Variants in R3HCC1L observed in about 807,000 individuals in gnomAD.
The protein encoded by R3HCC1L is coiled-coil domain-containing protein R3HCC1L.
R3HCC1L carries 51 observed loss-of-function variants against 59.9 expected under a neutral mutation model. That is an observed-to-expected ratio of 0.85 (90% confidence interval 0.68 to 1.07). R3HCC1L has a LOEUF of 1.07. Among genes scored for constraint, R3HCC1L ranks in the 50% least tolerant of loss-of-function variants. The pLI, the probability that R3HCC1L is intolerant of heterozygous loss-of-function variation, is 0.00. For missense variants in R3HCC1L, 965 were observed against 933.0 expected (o/e 1.03, Z -0.45); for synonymous variants, 322 against 315.2 (o/e 1.02, Z -0.23).
chr10:98,177,338 C>T (rs191106914), intron 4 of R3HCC1L, among the ~76,000 whole-genome samples: 59 of 152,210 alleles, frequency 3.9e-4, no homozygotes, highest in African/African-American at 1.3e-3. Context: ...GCTTTATCCA[C>T]GTCCCTACAA....
At chr10:98,187,384 TAA>T (rs879758301) in intron 4 of R3HCC1L, among the ~76,000 whole-genome samples, 1 of 150,798 alleles carries the variant, frequency 6.6e-6, no homozygotes, top group Admixed American at 6.6e-5. Flanking sequence ...ATCAGCCATG[TAA>T]GGTTTTTATA....
chr10:98,204,711 G>A (rs1024102878), intron 4 of R3HCC1L, among the ~76,000 whole-genome samples: 6 of 151,876 alleles, frequency 4.0e-5, no homozygotes, highest in Admixed American at 6.6e-5. Flanking sequence ...CCACATTCAC[G>A]TAACTTTTAT....
intron 5 of R3HCC1L, among the ~76,000 whole-genome samples, chr10:98,224,965 A>C (rs1375329606): frequency 6.6e-6 from 1 of 152,254 alleles, no homozygotes; most frequent in Non-Finnish European, 1.5e-5. Context: ...CCATATTAGA[A>C]AAGTAATAAC....
intron 2 of R3HCC1L, among the ~76,000 whole-genome samples, chr10:98,157,091 C>T (rs1215133107): frequency 6.6e-6 from 1 of 152,208 alleles, no homozygotes; most frequent in East Asian, 1.9e-4. Flanking sequence ...TCTTTTTTCT[C>T]CTCATCCTTT....
intron 5 of R3HCC1L, among the ~76,000 whole-genome samples, chr10:98,230,141 G>C (rs1327791077): frequency 1.3e-5 from 2 of 152,174 alleles, no homozygotes; most frequent in Non-Finnish European, 2.9e-5. Flanking sequence ...GATTGGAATA[G>C]TTTCAGAAGG....
At chr10:98,137,213 A>AC in intron 1 of R3HCC1L, among the ~76,000 whole-genome samples, 1 of 152,164 alleles carries the variant, frequency 6.6e-6, no homozygotes, top group South Asian at 2.1e-4. Context: ...CCCGTCTCAA[A>AC]AAAAAAAAAG....
intron 9 of R3HCC1L, among the ~76,000 whole-genome samples, chr10:98,239,918 A>G (rs1857351708): frequency 6.6e-6 from 1 of 151,778 alleles, no homozygotes; most frequent in South Asian, 2.1e-4. Context: ...CTAGTCTCAA[A>G]CTCTTGGACT....
intron 4 of R3HCC1L, among the ~76,000 whole-genome samples, chr10:98,174,980 C>G (rs550347737): frequency 2.0e-5 from 3 of 152,118 alleles, no homozygotes; most frequent in Non-Finnish European, 4.4e-5. Context: ...CTGTATCTAC[C>G]CGAGTGCAGT....
At chr10:98,181,363 G>T (rs1255111250) in intron 4 of R3HCC1L, among the ~76,000 whole-genome samples, 1 of 152,132 alleles carries the variant, frequency 6.6e-6, no homozygotes, top group Non-Finnish European at 1.5e-5. Flanking sequence ...CTCTCTTCTG[G>T]CTTGTAGATT....
chr10:98,175,066 C>T (rs1320973273), intron 4 of R3HCC1L, among the ~76,000 whole-genome samples: 4 of 152,026 alleles, frequency 2.6e-5, no homozygotes, highest in African/African-American at 4.8e-5. Context: ...AGTTTCTCAT[C>T]GTTAACGCGT....
chr10:98,203,530 A>G (rs1477677412), intron 4 of R3HCC1L, among the ~76,000 whole-genome samples: 1 of 152,232 alleles, frequency 6.6e-6, no homozygotes, highest in African/African-American at 2.4e-5. Flanking sequence ...TTTCTCTCAA[A>G]TATCAGATGT....
chr10:98,236,236 T>A (rs1329438890), intron 9 of R3HCC1L, 72 bp downstream of exon 9: 49 of 1,541,766 alleles, frequency 3.2e-5, no homozygotes, highest in Admixed American at 6.4e-5. Flanking sequence ...TAAAAAAAAA[T>A]GAATGAAGCC....
At chr10:98,201,652 C>T (rs2135115164) in intron 4 of R3HCC1L, among the ~76,000 whole-genome samples, 2 of 152,232 alleles carry the variant, frequency 1.3e-5, no homozygotes, top group Middle Eastern at 6.8e-3. Flanking sequence ...CATTTGAACA[C>T]CAAACTTAAT....
rs369926246 is a variant in R3HCC1L, at chr10:98,200,635, G to A, written c.-14-7466G>A. Among the ~76,000 whole-genome samples, 5 of 152,100 alleles carry A rather than the reference G, an allele frequency of 3.3e-5. No individual in the cohort carries two copies. The South Asian group carries it at 1.0e-3, about 32-fold the overall frequency. ...TTGAAGACTTATAAAATAGACTTCC[G>A]TCGGCACTGCTCAACACAAAAGGAA... On this transcript the variant is annotated intron_variant, in intron 4 of 9. Transcript: ENST00000298999.
chr10:98,218,867 C>T (rs563117444), intron 5 of R3HCC1L, among the ~76,000 whole-genome samples: 6 of 152,130 alleles, frequency 3.9e-5, no homozygotes, highest in South Asian at 2.1e-4. Flanking sequence ...TTGTTGAGTG[C>T]GTCTATATTT....
intron 4 of R3HCC1L, chr10:98,174,440 T>C: frequency 1.7e-6 from 1 of 594,146 alleles, no homozygotes; most frequent in Non-Finnish European, 2.1e-6. Context: ...ATATTTATTG[T>C]ATTCCCAGGG....
Position 98,244,286 on chromosome 10 carries a change from A to G in R3HCC1L, c.*128A>G, listed in dbSNP as rs1857873949. 4.7e-6 allele frequency: 4 copies of G among 846,882 alleles called. No individual in the cohort carries two copies. The Admixed American group carries it at 9.0e-5, about 19-fold the overall frequency. The allele number at this position is 846,882 out of a possible 1,614,324, so 52.5% of individuals were successfully genotyped here. On this transcript the variant is annotated 3_prime_UTR_variant, in exon 10 of 10. Transcript: ENST00000298999. ...GTTAAAGAGATAAAGTGATCGAGAC[A>G]AGGACTGACTGGGTATAGAAGGAAG...
rs796381920 is a variant in R3HCC1L at position 98,187,207 on chromosome 10, A to AT, written c.-14-20883dup. Among the ~76,000 whole-genome samples, 344 of 148,060 alleles carry AT rather than the reference A, an allele frequency of 2.3e-3. 1 individual carries two copies. Among genetic ancestry groups the AT allele is most frequent in the African/African-American group, 6.3e-3 (256 of 40,546 alleles). On this transcript the variant is annotated intron_variant, in intron 4 of 9. Coordinates refer to ENST00000298999, the MANE Select transcript of R3HCC1L (RefSeq NM_001351015.2). Reference sequence around the variant, plus strand: ...GGGACCAGAAGTGTTTTTGATTTTGATTTTTTTTTTTGAATATTTGCATTA... The same window carrying AT: ...GGGACCAGAAGTGTTTTTGATTTTGATTTTTTTTTTTTGAATATTTGCATTA...
chr10:98,235,383 C>T (rs766331018), intron 7 of R3HCC1L, 42 bp from the exon 8 acceptor site: 3 of 1,549,360 alleles, frequency 1.9e-6, no homozygotes, highest in Middle Eastern at 1.7e-4. Flanking sequence ...CTTTGCATCA[C>T]TCTACTTCAT....
Sources: gnomAD v4.1 joint callset for allele counts (sites outside exome capture counted in the v4.1 genomes callset) on GRCh38, gnomAD v4.1.1 for gene constraint, MANE v1.5 for transcripts, NCBI Gene and HGNC (gene_info 2026-07-23, HGNC 2026-07-21) for gene names.